HTR1E: variants seen among roughly 807,000 people sequenced by gnomAD.
The protein encoded by HTR1E is 5-hydroxytryptamine receptor 1E.
In HTR1E, 3 loss-of-function variants were observed where a neutral mutation model predicts 3.4. The ratio of observed to expected loss-of-function variants is 0.89; its 90% CI spans 0.41 to 2.31. The LOEUF (loss-of-function observed/expected upper bound fraction) is 2.31, where lower values mean the gene tolerates loss of function less well. HTR1E is among the 30% of genes most tolerant of loss of function. The pLI is 0.05. For synonymous variants in HTR1E, 170 were observed against 182.8 expected (o/e 0.93, Z 0.56); for missense variants, 392 against 467.0 (o/e 0.84, Z 1.48).
chr6:87,001,934 T>G (rs1430842689), intron 1 of HTR1E, among the ~76,000 whole-genome samples: 1 of 152,066 alleles, frequency 6.6e-6, no homozygotes, highest in East Asian at 1.9e-4. Context: ...AGATATTCAA[T>G]GCCAATGGAA....
intron 1 of HTR1E, among the ~76,000 whole-genome samples, chr6:87,009,061 T>A (rs1265179691): frequency 6.6e-6 from 1 of 152,014 alleles, no homozygotes; most frequent in Non-Finnish European, 1.5e-5. Context: ...TTTTATTTTT[T>A]TTTTTTAATT....
chr6:86,972,495 C>A lies in HTR1E; in HGVS notation c.-186+34672C>A, dbSNP rs145733760. On this transcript the variant is annotated intron_variant, in intron 1 of 1. Coordinates refer to ENST00000305344, the MANE Select transcript of HTR1E (RefSeq NM_000865.3). ...GCAGTTTTCCAAGTTGTATGAAAAG[C>A]CTTGAAATATTTAGCATTTTACTCT... Among the ~76,000 whole-genome samples, 161 of 152,018 alleles carry A rather than the reference C, an allele frequency of 1.1e-3. 1 individual carries two copies. The highest frequency in any genetic ancestry group is 3.8e-3 in the African/African-American group (156 of 41,440).
chr6:86,967,738 T>C (rs149206656), intron 1 of HTR1E, among the ~76,000 whole-genome samples: 6 of 152,318 alleles, frequency 3.9e-5, no homozygotes, highest in Admixed American at 3.3e-4. Context: ...TAATAGTTAT[T>C]TCTTGTGTTC....
chr6:87,014,960 A>G (rs143852607), intron 1 of HTR1E, among the ~76,000 whole-genome samples, 190 bp from the exon 2 acceptor site: 1 of 152,236 alleles, frequency 6.6e-6, no homozygotes, highest in African/African-American at 2.4e-5. Context: ...TAATTTAAAA[A>G]AAAACAGTTT....
chr6:86,957,683 A>G (rs1408969465), intron 1 of HTR1E, among the ~76,000 whole-genome samples: 1 of 152,238 alleles, frequency 6.6e-6, no homozygotes, highest in East Asian at 1.9e-4. Context: ...CATTTGTTTT[A>G]CAATTTCTTA....
chr6:86,983,420 A>T (rs1767740183), intron 1 of HTR1E, among the ~76,000 whole-genome samples: 1 of 152,178 alleles, frequency 6.6e-6, no homozygotes, highest in Non-Finnish European at 1.5e-5. Context: ...GGTTTTAGTG[A>T]CTGAAAGATG....
chr6:86,962,139 T>G (rs1456135065), intron 1 of HTR1E, among the ~76,000 whole-genome samples: 2 of 152,228 alleles, frequency 1.3e-5, no homozygotes, highest in Admixed American at 6.5e-5. Context: ...GATTTTTGTT[T>G]GAACATTAAG....
chr6:86,996,821 A>G (rs1767945684), intron 1 of HTR1E, among the ~76,000 whole-genome samples: 2 of 152,044 alleles, frequency 1.3e-5, no homozygotes, highest in South Asian at 4.1e-4. Context: ...AAGATTAAAG[A>G]ATTAACACCA....
intron 1 of HTR1E, among the ~76,000 whole-genome samples, chr6:86,995,942 T>C (rs1286836513): frequency 6.7e-6 from 1 of 148,916 alleles, no homozygotes; most frequent in Non-Finnish European, 1.5e-5. Flanking sequence ...ATTCTAAATG[T>C]TCATAAACAA....
chr6:87,001,032 C>T (rs1296016893), intron 1 of HTR1E, among the ~76,000 whole-genome samples: 4 of 152,072 alleles, frequency 2.6e-5, no homozygotes, highest in Non-Finnish European at 5.9e-5. Context: ...TATTAGTTTT[C>T]TCTTTGCTTA....
rs73753625 is a variant in HTR1E at position 86,972,003 on chromosome 6, G to A, written c.-186+34180G>A. Among the ~76,000 whole-genome samples the A allele has an allele frequency of 3.3e-5, 5 of 152,268 alleles. No individual in the cohort carries two copies. In the East Asian group the frequency reaches 9.6e-4, roughly 29 times the overall value. On this transcript the variant is annotated intron_variant, in intron 1 of 1. Transcript: ENST00000305344. ...ACCCACAAGCAGATAATTGAGGGGT[G>A]AATGTCAACTGAATATAAGAAAATG...
chr6:87,005,499 CT>C (rs1278739221), intron 1 of HTR1E, among the ~76,000 whole-genome samples: 1 of 152,208 alleles, frequency 6.6e-6, no homozygotes, highest in African/African-American at 2.4e-5. Flanking sequence ...AGAACAATAT[CT>C]TCAATAAATG....
At chr6:86,964,252 T>C (rs1024946714) in intron 1 of HTR1E, among the ~76,000 whole-genome samples, 5 of 152,272 alleles carry the variant, frequency 3.3e-5, no homozygotes, top group Non-Finnish European at 4.4e-5. Flanking sequence ...ATGGGGCAGA[T>C]TGCATTACTA....
chr6:86,981,868 T>A (rs758791210), intron 1 of HTR1E, among the ~76,000 whole-genome samples: 65 of 152,134 alleles, frequency 4.3e-4, no homozygotes, highest in Non-Finnish European at 8.5e-4. Flanking sequence ...CCTCTATCCT[T>A]GTTACCCTAG....
Position 86,946,177 on chromosome 6 carries a change from T to C in HTR1E, c.-186+8354T>C, listed in dbSNP as rs549493681. Reference sequence around the variant, plus strand: ...TAAAGTCTACAGTAGTGTACAGTAATGTACTAGGCCTTCATATTCGCTCAA... The same window carrying C: ...TAAAGTCTACAGTAGTGTACAGTAACGTACTAGGCCTTCATATTCGCTCAA... On this transcript the variant is annotated intron_variant, in intron 1 of 1. Coordinates refer to ENST00000305344, the MANE Select transcript of HTR1E (RefSeq NM_000865.3). Among the ~76,000 whole-genome samples, 17 of 152,336 alleles carry C rather than the reference T, an allele frequency of 1.1e-4. No homozygotes were observed. The South Asian group carries it at 2.7e-3, about 24-fold the overall frequency.
chr6:87,015,870 A>G lies in HTR1E; in HGVS notation c.536A>G (p.His179Arg). The change falls in exon 2 of 2, where the codon CAT (histidine) becomes CGT (arginine). Residue 179 changes from histidine to arginine, a missense_variant. Physicochemically the swap from His to Arg is conservative, Grantham distance 29. This residue lies in a region of HTR1E where 189 missense variants were observed against 258.0 expected (regional missense o/e 0.73). Coordinates refer to ENST00000305344, the MANE Select transcript of HTR1E (RefSeq NM_000865.3). ...AGTCAGTGCACCATCCAGCACGACC[A>G]TGTTATCTACACCATTTACTCCACG... ...PPSQCTIQHDHVIYTIYSTLG... is the reference protein window; with the variant it reads ...PPSQCTIQHDRVIYTIYSTLG... The G allele has an allele frequency of 7.4e-6, 12 of 1,612,768 alleles. No individual in the cohort carries two copies. Among genetic ancestry groups the G allele is most frequent in the Non-Finnish European group, 1.0e-5 (12 of 1,179,498 alleles).
rs533507942 is a variant in HTR1E, at chr6:86,955,983, TAG to T, written c.-186+18162_-186+18163del. Among the ~76,000 whole-genome samples, 1,082 of 152,186 alleles carry T rather than the reference TAG, an allele frequency of 7.1e-3. 12 individuals are homozygous for T. Among genetic ancestry groups the T allele is most frequent in the African/African-American group, 0.025 (1,021 of 41,488 alleles). On this transcript the variant is annotated intron_variant, in intron 1 of 1. Coordinates refer to ENST00000305344, the MANE Select transcript of HTR1E (RefSeq NM_000865.3). ...TCAGGCCATGATGGGAATGGGGGAT[TAG>T]ACACACCTCATTATACCCTTCTCTC...
At chr6:87,012,766 A>T (rs930720530) in intron 1 of HTR1E, among the ~76,000 whole-genome samples, 4 of 152,198 alleles carry the variant, frequency 2.6e-5, no homozygotes, top group African/African-American at 9.7e-5. Context: ...AACACATTTG[A>T]TCTTCACACT....
Position 87,015,559 on chromosome 6 carries a change from C to G in HTR1E, c.225C>G (p.Val75=). The part of the protein sequence containing the change: ...AVTDLLVAVL[V]MPLSIIYIVM... ...CGGACCTCCTGGTGGCAGTGCTCGT[C>G]ATGCCCCTGAGCATCATCTACATTG... Residue 75 remains valine (V), a synonymous_variant, in exon 2 of 2, where the codon GTC becomes GTG. Coordinates refer to ENST00000305344, the MANE Select transcript of HTR1E (RefSeq NM_000865.3). 2.5e-6 allele frequency: 4 copies of G among 1,613,104 alleles called. No homozygotes were observed. Among genetic ancestry groups the G allele is most frequent in the Non-Finnish European group, 3.4e-6 (4 of 1,179,358 alleles).
Sources: allele counts gnomAD v4.1 joint callset (sites outside exome capture counted in the v4.1 genomes callset), GRCh38; gene constraint gnomAD v4.1.1; regional missense constraint gnomAD v4.1.1; transcripts MANE v1.5; gene names NCBI Gene and HGNC (gene_info 2026-07-23, HGNC 2026-07-21).